The following GALNT16 variants were observed in gnomAD, a reference collection of about 807,000 sequenced individuals.
The protein encoded by GALNT16 is UDP-GalNAc:polypeptide N-acetylgalactosaminyltransferase-like protein 1.
Under a neutral mutation model 76.1 loss-of-function variants are expected in GALNT16, and 40 were observed. The ratio of observed to expected loss-of-function variants is 0.53; its 90% CI spans 0.41 to 0.68. The LOEUF is 0.68. GALNT16 is among the 30% of genes least tolerant of loss of function. The pLI is 0.00. For synonymous variants in GALNT16, 276 were observed against 285.2 expected, an observed-to-expected ratio of 0.97 and a Z score of 0.32; for missense variants, 621 against 731.9, an observed-to-expected ratio of 0.85 and a Z score of 1.75.
intron 1 of GALNT16, 79 bp downstream of exon 1, chr14:69,260,546 C>A: frequency 1.9e-6 from 2 of 1,054,148 alleles, no homozygotes; most frequent in Non-Finnish European, 1.2e-6. Flanking sequence ...GCCGAGGGCG[C>A]GGGGCCCGGC....
intron 1 of GALNT16, among the ~76,000 whole-genome samples, chr14:69,305,352 A>G (rs1343608543): frequency 6.6e-6 from 1 of 151,932 alleles, no homozygotes; most frequent in Non-Finnish European, 1.5e-5. Context: ...GTGTAGAGAC[A>G]GGGTTTCATT....
At chr14:69,332,023 A>G (rs1177427113) in intron 7 of GALNT16, among the ~76,000 whole-genome samples, 1 of 152,216 alleles carries the variant, frequency 6.6e-6, no homozygotes, top group Non-Finnish European at 1.5e-5. Flanking sequence ...CTCTTGAAAT[A>G]TGACTAGTCT....
chr14:69,328,239 G>A (rs764441244), intron 5 of GALNT16, among the ~76,000 whole-genome samples: 5 of 152,114 alleles, frequency 3.3e-5, no homozygotes, highest in Non-Finnish European at 7.3e-5. Context: ...GGCACTCGGG[G>A]TGTGACCCTG....
At chr14:69,312,715 C>A (rs2045045367) in intron 1 of GALNT16, among the ~76,000 whole-genome samples, 1 of 152,148 alleles carries the variant, frequency 6.6e-6, no homozygotes, top group South Asian at 2.1e-4. Flanking sequence ...ATGTCCAGGC[C>A]AAGGAGTGAC....
chr14:69,368,020 A>C, the GALNT16 span, among the ~76,000 whole-genome samples: 28,418 of 152,060 alleles, frequency 0.19, 2,783 homozygotes, highest in South Asian at 0.26. Flanking sequence ...GAAAAAGAAA[A>C]GAGAAAGAAT....
intron 1 of GALNT16, among the ~76,000 whole-genome samples, chr14:69,299,456 C>G (rs1473238083): frequency 6.6e-6 from 1 of 152,184 alleles, no homozygotes; most frequent in African/African-American, 2.4e-5. Context: ...AGATGCTCCA[C>G]TGTGATGGTG....
chr14:69,338,916 T>C, intron 10 of GALNT16, 139 bp downstream of exon 10: 1 of 665,836 alleles, frequency 1.5e-6, no homozygotes, highest in Non-Finnish European at 2.5e-6. Flanking sequence ...CCCCCTCTGG[T>C]AACATCCTGG....
At chr14:69,349,557 G>A (rs967419700) in intron 14 of GALNT16, 2 of 152,214 alleles carry the variant, frequency 1.3e-5, no homozygotes, top group African/African-American at 2.4e-5. Context: ...GTCCCCTGCT[G>A]GTCCTATTTC....
chr14:69,369,779 CTG>C, the GALNT16 span, among the ~76,000 whole-genome samples: 5 of 152,274 alleles, frequency 3.3e-5, no homozygotes, highest in East Asian at 9.7e-4. Flanking sequence ...CAGCTGTCAA[CTG>C]TCAGCTTAAT....
intron 5 of GALNT16, among the ~76,000 whole-genome samples, chr14:69,326,899 G>A (rs2045293065): frequency 1.3e-5 from 2 of 152,160 alleles, no homozygotes; most frequent in South Asian, 4.1e-4. Flanking sequence ...CCAACCCAAA[G>A]GCCAGCCGCC....
At position 69,352,416 on chromosome 14, in the gene GALNT16, G is replaced by C; in HGVS notation, c.*248G>C. 2.1e-6 allele frequency: 1 copy of C among 478,968 alleles called. No homozygotes were observed. The highest frequency in any genetic ancestry group is 3.2e-5 in the South Asian group (1 of 30,828). 29.7% of individuals were successfully genotyped at this position (478,968 alleles called of 1,614,324 possible). A position where few individuals can be genotyped will look rare whatever the true frequency, so the allele number is the denominator to read the frequency against. On this transcript the variant is annotated 3_prime_UTR_variant, in exon 15 of 15. Transcript: ENST00000448469. ...GAGATGGTCAGGGTGCTGGACTGTT[G>C]CTGGGTAGAGACTGAGTAGGTGCCC...
At position 69,333,037 on chromosome 14, in the gene GALNT16, C is replaced by T. The variant is rs199826471; in HGVS notation, c.779-48C>T. 3 of 1,345,724 alleles carry T rather than the reference C, an allele frequency of 2.2e-6. No homozygotes were observed. The highest frequency in any genetic ancestry group is 2.3e-5 in the East Asian group (1 of 43,580). 83.4% of individuals were successfully genotyped at this position (1,345,724 alleles called of 1,614,324 possible). On this transcript the variant is annotated intron_variant, in intron 7 of 14. Transcript: ENST00000448469. This position sits in a 1 kb window ranked among gnomAD's most constrained non-coding sequence, Gnocchi z 4.2. ...GTGGTGGAGTGAAGGGTCTCAGCAG[C>T]CCGCAGCTCTGCCCTGAGCTCTGTC...
At chr14:69,269,344 T>A (rs2044375886) in intron 1 of GALNT16, among the ~76,000 whole-genome samples, 3 of 151,056 alleles carry the variant, frequency 2.0e-5, no homozygotes, top group Admixed American at 2.0e-4. Flanking sequence ...TGTATGGGTA[T>A]GTATAGAACG....
At chr14:69,380,813 C>G in the GALNT16 span, among the ~76,000 whole-genome samples, 3 of 152,092 alleles carry the variant, frequency 2.0e-5, no homozygotes, top group African/African-American at 7.2e-5. Context: ...GTGACATGAA[C>G]TTTATATCAC....
rs1006771212 is a variant in GALNT16, at chr14:69,353,915, C to T, written c.*1747C>T. On this transcript the variant is annotated 3_prime_UTR_variant, in exon 15 of 15. Transcript: ENST00000448469. ...GCAGCCAAGTGTCTGTGGTCCGCAG[C>T]ACCTGCTCTGGAGGGCTCTCCAGCA... 1 of 152,466 alleles carries T rather than the reference C, an allele frequency of 6.6e-6. No individual in the cohort carries two copies. Among genetic ancestry groups the T allele is most frequent in the African/African-American group, 2.4e-5 (1 of 41,470 alleles). 9.4% of individuals were successfully genotyped at this position (152,466 alleles called of 1,614,324 possible).
chr14:69,362,866 A>G, the GALNT16 span, among the ~76,000 whole-genome samples: 1 of 152,170 alleles, frequency 6.6e-6, no homozygotes, highest in African/African-American at 2.4e-5. Context: ...AAATGGTGGG[A>G]AGTTGACCAG....
At chr14:69,263,745 T>C (rs183639203) in intron 1 of GALNT16, among the ~76,000 whole-genome samples, 1 of 152,366 alleles carries the variant, frequency 6.6e-6, no homozygotes, top group African/African-American at 2.4e-5. Flanking sequence ...TGATTTTTAA[T>C]ATTCTGTCCT....
intron 5 of GALNT16, among the ~76,000 whole-genome samples, chr14:69,327,163 C>T (rs2045296599): frequency 6.6e-6 from 1 of 152,154 alleles, no homozygotes; most frequent in African/African-American, 2.4e-5. Flanking sequence ...CTAGCCTGGC[C>T]AATGTGCTAA....
Position 69,347,077 on chromosome 14 carries a change from CA to C in GALNT16, c.1310del (p.Gln437ArgfsTer3). ...GGAAGCACTCCCCGGCATCATTAAG[CA>C]GGGGGTGAACTGCTTAGAATCTCAG... Reference protein sequence around the residue: ...VKEALPGIIKQGVNCLESQGQ... With the variant: ...VKEALPGIIKXGVNCLESQGQ... On this transcript the variant is annotated frameshift_variant, in exon 13 of 15. Transcript: ENST00000448469. LOFTEE classifies it high-confidence loss of function. The C allele has an allele frequency of 6.2e-7, 1 of 1,614,062 alleles. No individual in the cohort carries two copies. The highest frequency in any genetic ancestry group is 8.5e-7 in the Non-Finnish European group (1 of 1,179,964).
Sources: allele counts gnomAD v4.1 joint callset (sites outside exome capture counted in the v4.1 genomes callset), GRCh38; gene constraint gnomAD v4.1.1; non-coding constraint Gnocchi (gnomAD v3.1); transcripts MANE v1.5; gene names NCBI Gene and HGNC (gene_info 2026-07-23, HGNC 2026-07-21).